The following GPHN variants were observed in gnomAD, a reference collection of about 807,000 sequenced individuals.
The protein encoded by GPHN is gephyrin.
GPHN carries 17 observed loss-of-function variants against 95.5 expected under a neutral mutation model. That is an observed-to-expected ratio of 0.18 (90% CI 0.12 to 0.27). GPHN has a LOEUF of 0.27. Ranked by LOEUF, GPHN falls within the 10% of genes least tolerant of loss-of-function variation. The pLI is 1.00. For missense variants in GPHN, 660 were observed against 978.1 expected, an observed-to-expected ratio of 0.67 and a Z score of 4.34; for synonymous variants, 320 against 322.5, an observed-to-expected ratio of 0.99 and a Z score of 0.08.
the GPHN span, among the ~76,000 whole-genome samples, chr14:67,348,516 CTTTA>C: frequency 2.7e-5 from 4 of 149,006 alleles, no homozygotes; most frequent in Non-Finnish European, 1.5e-5. Flanking sequence ...AACCTGACTT[CTTTA>C]TTTTTTTATT....
At chr14:67,239,464 G>A in the GPHN span, among the ~76,000 whole-genome samples, 1 of 152,210 alleles carries the variant, frequency 6.6e-6, no homozygotes, top group African/African-American at 2.4e-5. Flanking sequence ...CAGCCCAAAT[G>A]TCAATAGTGC....
At chr14:66,693,278 A>T (rs2067900542) in intron 2 of GPHN, among the ~76,000 whole-genome samples, 1 of 152,144 alleles carries the variant, frequency 6.6e-6, no homozygotes, top group Non-Finnish European at 1.5e-5. Context: ...TGTAACTTGG[A>T]AGGAATATTT....
At chr14:67,167,463 A>G (rs889671118) in intron 20 of GPHN, among the ~76,000 whole-genome samples, 4 of 152,180 alleles carry the variant, frequency 2.6e-5, no homozygotes, top group Non-Finnish European at 4.4e-5. Context: ...AGAGTCTGCT[A>G]TTCTGTGGGC....
At chr14:66,514,945 AT>A (rs908993926) in intron 1 of GPHN, among the ~76,000 whole-genome samples, 4 of 152,086 alleles carry the variant, frequency 2.6e-5, no homozygotes, top group Non-Finnish European at 5.9e-5. Context: ...TCAGACCCTC[AT>A]TTGCCCTTTA....
chr14:67,645,693 G>C, the GPHN span: 1 of 1,613,990 alleles, frequency 6.2e-7, no homozygotes. Flanking sequence ...CCAGACCTTT[G>C]TGTTGTCTGG....
the GPHN span, among the ~76,000 whole-genome samples, chr14:67,235,526 T>C: frequency 4.6e-5 from 7 of 152,118 alleles, no homozygotes; most frequent in Middle Eastern, 3.4e-3. Flanking sequence ...CCATCCTGGC[T>C]AACACGGTGA....
At chr14:66,705,701 C>G (rs1024804820) in intron 2 of GPHN, among the ~76,000 whole-genome samples, 1 of 152,156 alleles carries the variant, frequency 6.6e-6, no homozygotes, top group African/African-American at 2.4e-5. Context: ...AGACCCACAG[C>G]CAATAGCATA....
chr14:67,727,066 C>T, the GPHN span: 14 of 1,613,990 alleles, frequency 8.7e-6, no homozygotes, highest in Admixed American at 3.3e-5. Context: ...CGGTGGCTCA[C>T]CACATTGGCA....
At chr14:66,561,213 G>T (rs1594971396) in intron 1 of GPHN, among the ~76,000 whole-genome samples, 1 of 152,000 alleles carries the variant, frequency 6.6e-6, no homozygotes, top group African/African-American at 2.4e-5. Context: ...TTTTTTGGTT[G>T]TGTCTCTGCC....
intron 1 of GPHN, among the ~76,000 whole-genome samples, chr14:66,542,867 A>G (rs765389400): frequency 4.6e-5 from 7 of 152,222 alleles, no homozygotes; most frequent in Non-Finnish European, 2.9e-5. Context: ...TCGCATTGCT[A>G]TAAAGAAATG....
At chr14:66,906,248 A>G (rs1237811484) in intron 5 of GPHN, among the ~76,000 whole-genome samples, 1 of 152,172 alleles carries the variant, frequency 6.6e-6, no homozygotes, top group Non-Finnish European at 1.5e-5. Flanking sequence ...GTTTATGAGC[A>G]GAGTTTCCAG....
the GPHN span, chr14:67,333,706 C>CGTCT: frequency 6.6e-6 from 1 of 152,298 alleles, no homozygotes; most frequent in Non-Finnish European, 1.5e-5. Flanking sequence ...TTTCTTAAGT[C>CGTCT]GTCTCAACTG....
At chr14:67,735,173 C>T in the GPHN span, 6 of 1,203,590 alleles carry the variant, frequency 5.0e-6, no homozygotes. Context: ...AATATTAAGC[C>T]ACAGTCGTTC....
chr14:67,463,138 AC>A, the GPHN span, among the ~76,000 whole-genome samples: 2 of 152,220 alleles, frequency 1.3e-5, no homozygotes, highest in Non-Finnish European at 2.9e-5. Flanking sequence ...GCAATGCCCA[AC>A]TGGACATGGT....
At chr14:67,097,108 A>G (rs2077435524) in intron 12 of GPHN, among the ~76,000 whole-genome samples, 1 of 152,204 alleles carries the variant, frequency 6.6e-6, no homozygotes, top group African/African-American at 2.4e-5. Context: ...CACCTATTGT[A>G]CAGCAAGTGC....
chr14:67,155,196 G>A (rs2081510590), intron 18 of GPHN, among the ~76,000 whole-genome samples: 1 of 152,160 alleles, frequency 6.6e-6, no homozygotes, highest in African/African-American at 2.4e-5. Flanking sequence ...TAGGAATAAA[G>A]ACAATCTGCA....
chr14:67,495,248 A>G, the GPHN span, among the ~76,000 whole-genome samples: 1 of 151,426 alleles, frequency 6.6e-6, no homozygotes, highest in African/African-American at 2.4e-5. Context: ...TCCTGGAAAC[A>G]TTTCCTCTTC....
intron 13 of GPHN, among the ~76,000 whole-genome samples, chr14:67,104,477 T>C (rs934242659): frequency 5.3e-5 from 8 of 152,162 alleles, no homozygotes; most frequent in Non-Finnish European, 1.2e-4. Context: ...AGCAGTGAAG[T>C]CATCAGATCT....
chr14:67,568,766 T>C, the GPHN span, among the ~76,000 whole-genome samples: 1 of 152,024 alleles, frequency 6.6e-6, no homozygotes, highest in African/African-American at 2.4e-5. Context: ...GACCCAAGGG[T>C]CTCTAAAACG....
Sources: allele counts gnomAD v4.1 joint callset (sites outside exome capture counted in the v4.1 genomes callset), GRCh38; gene constraint gnomAD v4.1.1; transcripts MANE v1.5; gene names NCBI Gene and HGNC (gene_info 2026-07-23, HGNC 2026-07-21).